The following NRL variants were observed in gnomAD, a reference collection of about 807,000 sequenced individuals.
NRL encodes the protein neural retina leucine zipper.
In NRL, 16 loss-of-function variants were observed where a neutral mutation model predicts 12.5. The ratio of observed to expected loss-of-function variants is 1.28; its 90% CI spans 0.87 to 1.95. The LOEUF is 1.95. Ranked by LOEUF, NRL falls within the 30% of genes most tolerant of loss-of-function variation. The probability of loss-of-function intolerance (pLI) is 0.00; values close to 1 mark genes in which losing one functional copy is unlikely to be tolerated. For missense variants in NRL, 314 were observed against 325.8 expected, an observed-to-expected ratio of 0.96 and a Z score of 0.28; for synonymous variants, 142 against 150.9, an observed-to-expected ratio of 0.94 and a Z score of 0.43.
At position 24,081,880 on chromosome 14, in the gene NRL, G is replaced by C. The variant is rs897921475; in HGVS notation, c.382-312C>G. On this transcript the variant is annotated intron_variant, in intron 2 of 2. Coordinates refer to ENST00000561028, the MANE Select transcript of NRL (RefSeq NM_001354768.3). This position sits in a 1 kb window ranked among gnomAD's most constrained non-coding sequence, Gnocchi z 4.4. ...CTGGGATCCCCGGCATCCAGCTCCA[G>C]GCCCGGGTGTGTCCAGTGGACCCGC... 1 of 1,345,822 alleles carries C rather than the reference G, an allele frequency of 7.4e-7. No homozygotes were observed. Among genetic ancestry groups the C allele is most frequent in the Non-Finnish European group, 9.6e-7 (1 of 1,043,822 alleles). 83.4% of individuals were successfully genotyped at this position (1,345,822 alleles called of 1,614,324 possible).
intron 1 of NRL, chr14:24,114,497 T>G: frequency 5.2e-6 from 1 of 190,952 alleles, no homozygotes; most frequent in Non-Finnish European, 9.7e-6. Flanking sequence ...AAATGATCTT[T>G]AGGGACAGAC....
chr14:24,097,362 C>T (rs933500548), intron 1 of NRL, among the ~76,000 whole-genome samples: 6 of 149,906 alleles, frequency 4.0e-5, no homozygotes, highest in Admixed American at 1.3e-4. Context: ...ACCAGCCTGA[C>T]CAACATGGAG....
intron 1 of NRL, among the ~76,000 whole-genome samples, chr14:24,092,279 G>A (rs1257083473): frequency 6.6e-6 from 1 of 152,204 alleles, no homozygotes; most frequent in Non-Finnish European, 1.5e-5. Flanking sequence ...TGAGAGATAA[G>A]CCCTGAACTA....
intron 1 of NRL, among the ~76,000 whole-genome samples, chr14:24,097,587 G>A (rs1193559373): frequency 2.3e-5 from 2 of 85,982 alleles, no homozygotes; most frequent in East Asian, 1.3e-3. Context: ...GAAAGAAACT[G>A]GGATTTTTTT....
intron 1 of NRL, chr14:24,095,036 A>T (rs1594281518): frequency 2.2e-6 from 1 of 449,490 alleles, no homozygotes; most frequent in East Asian, 7.1e-5. Context: ...TTCGTTTCTT[A>T]CATAGCTGGC....
In NRL at chr14:24,094,586, G is replaced by C; in HGVS notation, c.-27-11711C>G. On this transcript the variant is annotated intron_variant, in intron 1 of 2. Coordinates refer to ENST00000561028, the MANE Select transcript of NRL (RefSeq NM_001354768.3). This position sits in a 1 kb window ranked among gnomAD's most constrained non-coding sequence, Gnocchi z 4.1. ...GCGACTGCTGTGGGTCCAGCCTCCC[G>C]CGCCGCGCGTCTCTTGGGAGGGCAG... 1 of 1,450,578 alleles carries C rather than the reference G, an allele frequency of 6.9e-7. No individual in the cohort carries two copies. Among genetic ancestry groups the C allele is most frequent in the Non-Finnish European group, 9.0e-7 (1 of 1,104,984 alleles). The allele number at this position is 1,450,578 out of a possible 1,614,324, so 89.9% of individuals were successfully genotyped here.
chr14:24,104,158 A>G (rs905145429), intron 1 of NRL: 2 of 585,542 alleles, frequency 3.4e-6, no homozygotes, highest in East Asian at 2.9e-5. Context: ...TTTCCCACCT[A>G]TCTTCACAGG....
intron 1 of NRL, among the ~76,000 whole-genome samples, chr14:24,084,193 G>T (rs1435052487): frequency 2.0e-5 from 3 of 152,238 alleles, no homozygotes; most frequent in Non-Finnish European, 4.4e-5. Flanking sequence ...GGGCAGGGTT[G>T]CTGCCCTCTC....
intron 1 of NRL, among the ~76,000 whole-genome samples, chr14:24,091,691 G>A (rs2036635815): frequency 6.6e-6 from 1 of 152,058 alleles, no homozygotes; most frequent in African/African-American, 2.4e-5. Context: ...CCATTTGTGT[G>A]ACTTTGAGCA....
At chr14:24,105,866 T>C (rs1249296850) in intron 1 of NRL, among the ~76,000 whole-genome samples, 6 of 152,088 alleles carry the variant, frequency 3.9e-5, no homozygotes, top group Admixed American at 3.9e-4. Context: ...GATCATGCCA[T>C]TGCACTCCAG....
intron 1 of NRL, among the ~76,000 whole-genome samples, chr14:24,096,333 G>A (rs1446987839): frequency 6.8e-6 from 1 of 146,062 alleles, no homozygotes; most frequent in Non-Finnish European, 1.5e-5. Context: ...CCACCTCCCG[G>A]GTTCAAGCGA....
At chr14:24,090,575 T>C (rs958909378) in intron 1 of NRL, among the ~76,000 whole-genome samples, 1 of 152,174 alleles carries the variant, frequency 6.6e-6, no homozygotes, top group Non-Finnish European at 1.5e-5. Context: ...ACTCAGCAGC[T>C]GGAACAATGA....
intron 1 of NRL, among the ~76,000 whole-genome samples, chr14:24,097,581 G>GTT (rs1161322128): frequency 7.1e-5 from 8 of 113,008 alleles, no homozygotes; most frequent in African/African-American, 2.4e-4. Flanking sequence ...AAAAAAGAAA[G>GTT]AAACTGGGAT....
At chr14:24,102,812 C>T (rs1483232169) in intron 1 of NRL, 1 of 1,613,806 alleles carries the variant, frequency 6.2e-7, no homozygotes, top group East Asian at 2.2e-5. Flanking sequence ...TCGCCAGTGC[C>T]CCATCATGGA....
Position 24,094,333 on chromosome 14 carries a change from C to T in NRL, c.-27-11458G>A. On this transcript the variant is annotated intron_variant, in intron 1 of 2. Coordinates refer to ENST00000561028, the MANE Select transcript of NRL (RefSeq NM_001354768.3). This position sits in a 1 kb window ranked among gnomAD's most constrained non-coding sequence, Gnocchi z 4.1. ...GCTGTGGCTCGCTTCGCCGCGCTCC[C>T]TCCTTCCCCGCCTTCCATACCTCCC... is the stretch of plus-strand genomic sequence containing the variant. The T allele has an allele frequency of 7.0e-7, 1 of 1,438,340 alleles. No individual in the cohort carries two copies. The highest frequency in any genetic ancestry group is 9.4e-7 in the Non-Finnish European group (1 of 1,060,198). 89.1% of individuals were successfully genotyped at this position (1,438,340 alleles called of 1,614,324 possible).
intron 1 of NRL, chr14:24,103,937 C>G (rs1352781711): frequency 6.2e-7 from 1 of 1,613,670 alleles, no homozygotes. Context: ...AGCTTGAGGC[C>G]CTGGAGAGAC....
Position 24,099,346 on chromosome 14 carries a change from G to A in NRL, c.-28+15376C>T, listed in dbSNP as rs570889895. 4.7e-5 allele frequency: 55 copies of A among 1,165,436 alleles called. No individual in the cohort carries two copies. In the East Asian group the frequency reaches 7.4e-4, roughly 16 times the overall value. The allele number at this position is 1,165,436 out of a possible 1,614,324, so 72.2% of individuals were successfully genotyped here. A position where few individuals can be genotyped will look rare whatever the true frequency, so the allele number is the denominator to read the frequency against. On this transcript the variant is annotated intron_variant, in intron 1 of 2. Coordinates refer to ENST00000561028, the MANE Select transcript of NRL (RefSeq NM_001354768.3). ...CCTGCCAGGTGCCAGGCTGGTGGGC[G>A]GGGACTCTACTTGAAGGCCCAAAGC... is the stretch of plus-strand genomic sequence containing the variant.
chr14:24,103,223 GCT>G (rs760300557), intron 1 of NRL: 1 of 1,613,922 alleles, frequency 6.2e-7, no homozygotes, highest in South Asian at 1.1e-5. Context: ...AGCGCCATGC[GCT>G]CTGAGTCCAC....
intron 1 of NRL, among the ~76,000 whole-genome samples, chr14:24,087,719 C>G (rs2036500779): frequency 1.3e-5 from 2 of 152,220 alleles, no homozygotes; most frequent in Non-Finnish European, 2.9e-5. Flanking sequence ...CCCTCAGTAA[C>G]TTACACTAAT....
Sources: gnomAD v4.1 joint callset for allele counts (sites outside exome capture counted in the v4.1 genomes callset) on GRCh38, gnomAD v4.1.1 for gene constraint, Gnocchi (gnomAD v3.1) non-coding constraint, MANE v1.5 for transcripts, NCBI Gene and HGNC (gene_info 2026-07-23, HGNC 2026-07-21) for gene names.